The following DNM3 variants were observed in gnomAD, a reference collection of about 807,000 sequenced individuals.
DNM3 encodes the protein dynamin-3.
A neutral mutation model predicts 101.6 loss-of-function variants in DNM3; 47 were observed. The observed-to-expected ratio is 0.46, with a 90% CI of 0.37 to 0.59. The LOEUF is 0.59. Ranked by LOEUF, DNM3 falls within the 20% of genes least tolerant of loss-of-function variation. The probability of loss-of-function intolerance (pLI) is 0.00; values close to 1 mark genes in which losing one functional copy is unlikely to be tolerated. For missense variants in DNM3, 849 were observed against 1,085.7 expected, an observed-to-expected ratio of 0.78 and a Z score of 3.06; for synonymous variants, 385 against 387.9, an observed-to-expected ratio of 0.99 and a Z score of 0.09.
At chr1:172,350,267 T>C (rs986992261) in intron 17 of DNM3, among the ~76,000 whole-genome samples, 4 of 152,014 alleles carry the variant, frequency 2.6e-5, no homozygotes, top group African/African-American at 9.7e-5. Context: ...TTTGGCATAG[T>C]AATAACATTG....
At chr1:172,134,408 G>T (rs542175348) in intron 14 of DNM3, among the ~76,000 whole-genome samples, 1 of 152,080 alleles carries the variant, frequency 6.6e-6, no homozygotes, top group Non-Finnish European at 1.5e-5. Context: ...TCACCATAAT[G>T]GCTAATAGTT....
At chr1:171,968,835 A>G (rs2043787567) in intron 2 of DNM3, among the ~76,000 whole-genome samples, 1 of 152,192 alleles carries the variant, frequency 6.6e-6, no homozygotes, top group South Asian at 2.1e-4. Context: ...TTCTGTTGGA[A>G]CAAATGAGTG....
At chr1:172,134,008 C>T (rs139465826) in intron 14 of DNM3, among the ~76,000 whole-genome samples, 31 of 152,160 alleles carry the variant, frequency 2.0e-4, no homozygotes, top group African/African-American at 7.2e-4. Context: ...GAAAGATTGC[C>T]CTGGCTGCTG....
At chr1:172,306,372 TA>T in intron 15 of DNM3, among the ~76,000 whole-genome samples, 1 of 152,080 alleles carries the variant, frequency 6.6e-6, no homozygotes, top group South Asian at 2.1e-4. Flanking sequence ...CTCAACGAAA[TA>T]AAAGAGGACA....
chr1:172,229,696 G>A (rs142101990), intron 14 of DNM3, among the ~76,000 whole-genome samples: 373 of 152,144 alleles, frequency 2.5e-3, no homozygotes, highest in Non-Finnish European at 4.4e-3. Context: ...TCATTACATA[G>A]ATATGTATGT....
intron 14 of DNM3, among the ~76,000 whole-genome samples, chr1:172,212,552 C>A (rs561812545): frequency 6.6e-6 from 1 of 152,234 alleles, no homozygotes; most frequent in African/African-American, 2.4e-5. Flanking sequence ...ATTTTCTGAG[C>A]TTTTCACATT....
At chr1:172,068,305 G>A (rs2051862635) in intron 10 of DNM3, among the ~76,000 whole-genome samples, 1 of 152,072 alleles carries the variant, frequency 6.6e-6, no homozygotes, top group South Asian at 2.1e-4. Context: ...TCCAGCCTGG[G>A]TGACAAGAGC....
intron 14 of DNM3, among the ~76,000 whole-genome samples, chr1:172,188,890 T>C (rs1405650810): frequency 1.3e-5 from 2 of 152,084 alleles, no homozygotes. Flanking sequence ...TATTTTTTTC[T>C]TCATGGATTG....
intron 1 of DNM3, among the ~76,000 whole-genome samples, chr1:171,884,249 A>G (rs1270792987): frequency 6.6e-6 from 1 of 152,118 alleles, no homozygotes; most frequent in African/African-American, 2.4e-5. Context: ...GAAAAAAAGG[A>G]AAGGTTGGTT....
rs74475316 is a variant in DNM3, at chr1:172,109,744, T to G, written c.1545+16869T>G. 4.0e-4 allele frequency among the ~76,000 whole-genome samples: 61 copies of G among 152,350 alleles called. 1 individual carries two copies. The highest frequency in any genetic ancestry group is 4.0e-3 in the Admixed American group (61 of 15,304). ...TCCCATCAGAAATCAGAATGCCTGT[T>G]ACTTATATGTTCTTTAGTTTTCAAT... On this transcript the variant is annotated intron_variant, in intron 13 of 20. Transcript: ENST00000627582.
chr1:171,927,076 G>A (rs1372697730), intron 2 of DNM3, among the ~76,000 whole-genome samples: 1 of 152,144 alleles, frequency 6.6e-6, no homozygotes, highest in African/African-American at 2.4e-5. Flanking sequence ...GAAATAAAAG[G>A]CATCTACCCT....
At chr1:172,073,522 C>T (rs1418636055) in intron 11 of DNM3, among the ~76,000 whole-genome samples, 3 of 152,076 alleles carry the variant, frequency 2.0e-5, no homozygotes, top group Non-Finnish European at 4.4e-5. Flanking sequence ...AGTAATAGTA[C>T]AATCCAACCT....
rs549884156 is a variant in DNM3 at position 172,222,016 on chromosome 1, C to T, written c.1660-31557C>T. Among the ~76,000 whole-genome samples the T allele has an allele frequency of 2.0e-5, 3 of 151,992 alleles. No individual in the cohort carries two copies. The South Asian group carries it at 6.3e-4, about 32-fold the overall frequency. Reference sequence around the variant, plus strand: ...TAGCTGAGGAATTCTAGACTCATTGCGAGTATATTATTTCAATGGGAATAG... The same window carrying T: ...TAGCTGAGGAATTCTAGACTCATTGTGAGTATATTATTTCAATGGGAATAG... On this transcript the variant is annotated intron_variant, in intron 14 of 20. Coordinates refer to ENST00000627582, the MANE Select transcript of DNM3 (RefSeq NM_015569.5).
Position 172,033,221 on chromosome 1 carries a change from G to A in DNM3, c.805G>A (p.Ala269Thr), listed in dbSNP as rs748093652. 40 of 1,606,574 alleles carry A rather than the reference G, an allele frequency of 2.5e-5. No homozygotes were observed. The highest frequency in any genetic ancestry group is 5.6e-5 in the South Asian group (5 of 89,456). ...TTCCCACCCGGCTTACAGACATATCGCTGACCGAATGGGAACCCCACACCT... is the reference window on the plus strand; with the variant it reads ...TTCCCACCCGGCTTACAGACATATCACTGACCGAATGGGAACCCCACACCT... ...FLSHPAYRHI[A>T]DRMGTPHLQK... Residue 269 changes from alanine to threonine, a missense_variant, in exon 6 of 21, where the codon GCT (alanine) becomes ACT (threonine). Coordinates refer to ENST00000627582, the MANE Select transcript of DNM3 (RefSeq NM_015569.5).
At chr1:172,259,953 GTTA>G (rs1332143412) in intron 15 of DNM3, among the ~76,000 whole-genome samples, 1 of 151,988 alleles carries the variant, frequency 6.6e-6, no homozygotes, top group East Asian at 1.9e-4. Context: ...CATAATGGTA[GTTA>G]TTATTCTTTT....
At chr1:172,255,587 T>A (rs892356681) in intron 15 of DNM3, among the ~76,000 whole-genome samples, 7 of 152,164 alleles carry the variant, frequency 4.6e-5, no homozygotes, top group Non-Finnish European at 1.0e-4. Flanking sequence ...ATAAGGAAAC[T>A]GTGGACTTTG....
chr1:172,179,474 A>G (rs1359598165), intron 14 of DNM3, among the ~76,000 whole-genome samples: 1 of 152,038 alleles, frequency 6.6e-6, no homozygotes, highest in Non-Finnish European at 1.5e-5. Context: ...TTATTCTACT[A>G]AAATAAAATA....
chr1:172,401,637 G>A (rs945403375), intron 20 of DNM3, among the ~76,000 whole-genome samples: 1 of 152,154 alleles, frequency 6.6e-6, no homozygotes, highest in African/African-American at 2.4e-5. Context: ...AATCATATTA[G>A]AGAATTCCTT....
At chr1:172,230,810 GTAAC>G (rs1161282186) in intron 14 of DNM3, among the ~76,000 whole-genome samples, 1 of 152,048 alleles carries the variant, frequency 6.6e-6, no homozygotes, top group Non-Finnish European at 1.5e-5. Context: ...AGAAATAAAT[GTAAC>G]TAACTTCTCC....
Sources: gnomAD v4.1 joint callset for allele counts (sites outside exome capture counted in the v4.1 genomes callset) on GRCh38, gnomAD v4.1.1 for gene constraint, MANE v1.5 for transcripts, NCBI Gene and HGNC (gene_info 2026-07-23, HGNC 2026-07-21) for gene names.